Variants in ABCA12 observed in about 807,000 individuals in gnomAD.
ABCA12 encodes glucosylceramide transporter ABCA12.
ABCA12 carries 156 observed loss-of-function variants against 293.5 expected under a neutral mutation model. The observed-to-expected ratio is 0.53, with a 90% CI of 0.47 to 0.61. ABCA12 has a LOEUF of 0.61. Ranked by LOEUF, ABCA12 falls within the 20% of genes least tolerant of loss-of-function variation. The pLI is 0.00. For missense variants in ABCA12, 2,797 were observed against 3,090.2 expected, an observed-to-expected ratio of 0.91 and a Z score of 2.25; for synonymous variants, 1,063 against 1,108.0, an observed-to-expected ratio of 0.96 and a Z score of 0.81.
chr2:214,987,613 A>G, intron 27 of ABCA12, 34 bp downstream of exon 27: 2 of 1,593,690 alleles, frequency 1.3e-6, no homozygotes, highest in African/African-American at 1.3e-5. Flanking sequence ...CATTTCTCTC[A>G]TAACAAAGCA....
At chr2:215,108,728 G>T (rs1245786005) in intron 2 of ABCA12, among the ~76,000 whole-genome samples, 2 of 152,134 alleles carry the variant, frequency 1.3e-5, no homozygotes, top group African/African-American at 4.8e-5. Flanking sequence ...CAGGATAAAA[G>T]CATCTAAATC....
chr2:215,001,361 T>G (rs1454657859), intron 21 of ABCA12, among the ~76,000 whole-genome samples, 197 bp downstream of exon 21: 3 of 152,212 alleles, frequency 2.0e-5, no homozygotes, highest in African/African-American at 7.2e-5. Context: ...AATCTTAATT[T>G]GAAGTACACC....
intron 23 of ABCA12, among the ~76,000 whole-genome samples, chr2:214,996,248 C>T (rs1574971096): frequency 6.6e-6 from 1 of 152,238 alleles, no homozygotes; most frequent in East Asian, 1.9e-4. Context: ...CAGAGAGCAT[C>T]ATCTTCAAAC....
Position 215,112,507 on chromosome 2 carries a change from GT to G in ABCA12, c.70-818del, listed in dbSNP as rs1296010147. 6.9e-4 allele frequency among the ~76,000 whole-genome samples: 53 copies of G among 77,276 alleles called. 1 individual carries two copies. The highest frequency in any genetic ancestry group is 6.7e-3 in the South Asian group (14 of 2,104). The allele number at this position is 77,276 out of a possible 152,430, so 50.7% of individuals were successfully genotyped here. On this transcript the variant is annotated intron_variant, in intron 1 of 52. Coordinates refer to ENST00000272895, the MANE Select transcript of ABCA12 (RefSeq NM_173076.3). Reference sequence around the variant, plus strand: ...TTTTGTTTTTTTTTTGTTTTTTTTTGTTTTTTTTTGAGACAGAGTCTTGCTC... The same window carrying G: ...TTTTGTTTTTTTTTTGTTTTTTTTTGTTTTTTTTGAGACAGAGTCTTGCTC...
At chr2:215,088,611 T>C (rs1230595685) in intron 2 of ABCA12, among the ~76,000 whole-genome samples, 2 of 152,192 alleles carry the variant, frequency 1.3e-5, no homozygotes, top group African/African-American at 4.8e-5. Flanking sequence ...ATTTGATTCA[T>C]TTTTCATGAG....
intron 1 of ABCA12, among the ~76,000 whole-genome samples, chr2:215,129,407 T>C (rs910019465): frequency 6.6e-6 from 1 of 152,234 alleles, no homozygotes; most frequent in African/African-American, 2.4e-5. Context: ...TCTGACTTTT[T>C]AAGTAACAGC....
chr2:215,036,418 A>G (rs1700991587), intron 8 of ABCA12, among the ~76,000 whole-genome samples: 1 of 152,178 alleles, frequency 6.6e-6, no homozygotes. Flanking sequence ...AAACTTGGCA[A>G]GTAGGGATTT....
At chr2:214,967,533 T>A (rs1699291797) in intron 38 of ABCA12, among the ~76,000 whole-genome samples, 2 of 152,118 alleles carry the variant, frequency 1.3e-5, no homozygotes, top group South Asian at 4.1e-4. Context: ...CAATTACTAA[T>A]TCAAAATAGC....
At chr2:215,030,400 C>T (rs967802721) in intron 9 of ABCA12, among the ~76,000 whole-genome samples, 1 of 151,518 alleles carries the variant, frequency 6.6e-6, no homozygotes, top group Non-Finnish European at 1.5e-5. Context: ...CGAGACCATC[C>T]CGGCTAACAT....
Position 215,131,699 on chromosome 2 carries a change from A to ATCG in ABCA12, c.69+6440_69+6441insCGA, listed in dbSNP as rs1170990427. ...AACTTTTCATTCATTGATCCTTTCT[A>ATCG]TTGTTTTTTTTTTTTTTTTTTTTGG... On this transcript the variant is annotated intron_variant, in intron 1 of 52. Transcript: ENST00000272895. 7.4e-3 allele frequency among the ~76,000 whole-genome samples: 285 copies of ATCG among 38,550 alleles called. 4 individuals are homozygous for ATCG. Among genetic ancestry groups the ATCG allele is most frequent in the Middle Eastern group, 0.065 (3 of 46 alleles). The allele number at this position is 38,550 out of a possible 152,430, so 25.3% of individuals were successfully genotyped here. A position where few individuals can be genotyped will look rare whatever the true frequency, so the allele number is the denominator to read the frequency against.
At chr2:214,952,981 G>C (rs1199920532) in intron 44 of ABCA12, among the ~76,000 whole-genome samples, 1 of 152,172 alleles carries the variant, frequency 6.6e-6, no homozygotes, top group East Asian at 1.9e-4. Flanking sequence ...TGGTACCGAA[G>C]ATGACAGTAA....
At chr2:215,100,475 A>G (rs575311892) in intron 2 of ABCA12, among the ~76,000 whole-genome samples, 322 of 152,272 alleles carry the variant, frequency 2.1e-3, no homozygotes, top group Non-Finnish European at 3.9e-3. Context: ...TTCATTGCCA[A>G]TGCTGCCTAT....
chr2:215,019,076 G>A (rs1038550994), intron 13 of ABCA12, among the ~76,000 whole-genome samples: 5 of 152,318 alleles, frequency 3.3e-5, no homozygotes, highest in East Asian at 1.9e-4. Flanking sequence ...TCAGAGAAAC[G>A]AAAGGTGAAT....
intron 22 of ABCA12, 66 bp from the exon 23 acceptor site, chr2:214,997,875 A>G (rs920505960): frequency 1.0e-6 from 1 of 962,318 alleles, no homozygotes; most frequent in African/African-American, 1.6e-5. Context: ...CAGAGATTAT[A>G]ATATATAAAG....
At position 215,025,664 on chromosome 2, in the gene ABCA12, A is replaced by G. The variant is rs372326315; in HGVS notation, c.1287+9T>C. 1,622 of 1,491,890 alleles carry G rather than the reference A, an allele frequency of 1.1e-3. 1 individual carries two copies. Among genetic ancestry groups the G allele is most frequent in the Non-Finnish European group, 1.4e-3 (1,503 of 1,112,310 alleles). The allele number at this position is 1,491,890 out of a possible 1,614,324, so 92.4% of individuals were successfully genotyped here. A position where few individuals can be genotyped will look rare whatever the true frequency, so the allele number is the denominator to read the frequency against. The stretch of plus-strand genomic sequence containing the variant: ...TGTTTTTTGTTTTTTTTTTACTTTC[A>G]TGGCTTACTTTTGATTTTAGGACTT... On this transcript the variant is annotated intron_variant, in intron 11 of 52. Coordinates refer to ENST00000272895, the MANE Select transcript of ABCA12 (RefSeq NM_173076.3).
chr2:214,988,809 A>AT (rs1699843342), intron 26 of ABCA12, among the ~76,000 whole-genome samples: 1 of 151,904 alleles, frequency 6.6e-6, no homozygotes, highest in African/African-American at 2.4e-5. Context: ...CATCCTGAAA[A>AT]TTTTTTGTTA....
chr2:214,953,793 C>T, intron 44 of ABCA12, 61 bp downstream of exon 44: 1 of 1,581,580 alleles, frequency 6.3e-7, no homozygotes, highest in Non-Finnish European at 8.6e-7. Context: ...TGACTTCTTT[C>T]TCAATAGGTT....
chr2:214,996,308 G>T (rs1700031216), intron 23 of ABCA12, among the ~76,000 whole-genome samples: 1 of 152,044 alleles, frequency 6.6e-6, no homozygotes, highest in African/African-American at 2.4e-5. Context: ...TTTATTATAT[G>T]CATATACATT....
chr2:214,994,931 C>A (rs1379977179), intron 23 of ABCA12, among the ~76,000 whole-genome samples: 15 of 152,006 alleles, frequency 9.9e-5, no homozygotes, highest in Admixed American at 9.8e-4. Context: ...TACATTAGAT[C>A]AAACAGATGA....
Sources: gnomAD v4.1 joint callset for allele counts (sites outside exome capture counted in the v4.1 genomes callset) on GRCh38, gnomAD v4.1.1 for gene constraint, MANE v1.5 for transcripts, NCBI Gene and HGNC (gene_info 2026-07-23, HGNC 2026-07-21) for gene names.